ALK: variants seen among roughly 807,000 people sequenced by gnomAD.
ALK encodes ALK tyrosine kinase receptor.
ALK carries 74 observed loss-of-function variants against 163.1 expected under a neutral mutation model. The observed-to-expected ratio is 0.45, with a 90% CI of 0.38 to 0.55. The LOEUF is 0.55. Ranked by LOEUF, ALK falls within the 20% of genes least tolerant of loss-of-function variation. The pLI is 0.00. For synonymous variants in ALK, 960 were observed against 843.2 expected, an observed-to-expected ratio of 1.14 and a Z score of -2.40; for missense variants, 2,063 against 2,105.3, an observed-to-expected ratio of 0.98 and a Z score of 0.39.
At chr2:29,365,847 G>A (rs2148289647) in intron 5 of ALK, among the ~76,000 whole-genome samples, 1 of 152,250 alleles carries the variant, frequency 6.6e-6, no homozygotes, top group South Asian at 2.1e-4. Context: ...AGAGACAGCT[G>A]GACAACTAGA....
At chr2:29,916,338 G>T (rs889671974) in intron 1 of ALK, among the ~76,000 whole-genome samples, 2 of 152,328 alleles carry the variant, frequency 1.3e-5, no homozygotes, top group East Asian at 3.9e-4. Context: ...TCAGAGATTT[G>T]TAGATTGTTA....
chr2:29,588,067 C>T (rs954505307), intron 3 of ALK, among the ~76,000 whole-genome samples: 1 of 152,092 alleles, frequency 6.6e-6, no homozygotes, highest in Non-Finnish European at 1.5e-5. Context: ...CTTTGCTTTG[C>T]TATCACTAAG....
intron 4 of ALK, among the ~76,000 whole-genome samples, chr2:29,509,948 A>G (rs1039902950): frequency 6.6e-6 from 1 of 152,172 alleles, no homozygotes; most frequent in Non-Finnish European, 1.5e-5. Flanking sequence ...GCACTTTGTA[A>G]GAAGAAGAAT....
chr2:29,443,951 A>C (rs1670607232), intron 4 of ALK, among the ~76,000 whole-genome samples: 1 of 152,134 alleles, frequency 6.6e-6, no homozygotes, highest in African/African-American at 2.4e-5. Context: ...TTGTAATTTT[A>C]TTTCTTTTCC....
chr2:29,796,640 C>G (rs1664317461), intron 1 of ALK, among the ~76,000 whole-genome samples: 1 of 152,158 alleles, frequency 6.6e-6, no homozygotes, highest in South Asian at 2.1e-4. Context: ...TGCTTCAACC[C>G]AGCAGAGACT....
At chr2:29,832,444 C>T (rs566934015) in intron 1 of ALK, among the ~76,000 whole-genome samples, 1 of 152,290 alleles carries the variant, frequency 6.6e-6, no homozygotes, top group African/African-American at 2.4e-5. Context: ...AACCAAGAAG[C>T]CCAAAATTTG....
intron 2 of ALK, among the ~76,000 whole-genome samples, chr2:29,700,265 G>T (rs1678693018): frequency 6.6e-6 from 1 of 152,170 alleles, no homozygotes; most frequent in African/African-American, 2.4e-5. Flanking sequence ...AAAAAGCTTG[G>T]CTGGGTGCAG....
chr2:29,515,528 G>C (rs1347474268), intron 4 of ALK, among the ~76,000 whole-genome samples: 1 of 152,110 alleles, frequency 6.6e-6, no homozygotes, highest in Non-Finnish European at 1.5e-5. Context: ...TGAAGGGTAG[G>C]GGTGATCCAT....
chr2:29,454,617 A>C (rs1670903739), intron 4 of ALK, among the ~76,000 whole-genome samples: 1 of 152,150 alleles, frequency 6.6e-6, no homozygotes, highest in Non-Finnish European at 1.5e-5. Context: ...GAAAGAATGA[A>C]ATTGCATTGA....
intron 5 of ALK, among the ~76,000 whole-genome samples, chr2:29,338,080 G>C (rs558304897): frequency 7.2e-4 from 109 of 152,306 alleles, no homozygotes; most frequent in African/African-American, 2.5e-3. Context: ...GAGAGGACCA[G>C]CTATGGAGGG....
In ALK at chr2:29,664,946, A is replaced by G. The variant is rs138029613; in HGVS notation, c.952+29904T>C. On this transcript the variant is annotated intron_variant, in intron 3 of 28. Coordinates refer to ENST00000389048, the MANE Select transcript of ALK (RefSeq NM_004304.5). The stretch of plus-strand genomic sequence containing the variant: ...TGCCCTTTCATTTCCCATCCTATAT[A>G]AAAATCTAGCCTTCCATTGAGAACC... Among the ~76,000 whole-genome samples, 1,238 of 151,962 alleles carry G rather than the reference A, an allele frequency of 8.1e-3. 15 individuals are homozygous for G. The highest frequency in any genetic ancestry group is 0.045 in the South Asian group (214 of 4,804).
intron 4 of ALK, among the ~76,000 whole-genome samples, chr2:29,423,398 CA>C (rs1195931333): frequency 6.6e-6 from 1 of 152,250 alleles, no homozygotes; most frequent in African/African-American, 2.4e-5. Flanking sequence ...GTGGGCCCTT[CA>C]GTGACTAATC....
At chr2:29,535,659 G>A (rs1273772848) in intron 3 of ALK, among the ~76,000 whole-genome samples, 1 of 152,070 alleles carries the variant, frequency 6.6e-6, no homozygotes, top group Admixed American at 6.6e-5. Flanking sequence ...TTTGATCTAG[G>A]ACTAAACCTG....
intron 4 of ALK, among the ~76,000 whole-genome samples, chr2:29,387,846 G>C (rs1669069575): frequency 6.6e-6 from 1 of 152,174 alleles, no homozygotes; most frequent in Non-Finnish European, 1.5e-5. Context: ...GTTACCTGCA[G>C]ACTTAGGATT....
chr2:29,605,922 C>T (rs1378555686), intron 3 of ALK, among the ~76,000 whole-genome samples: 1 of 152,024 alleles, frequency 6.6e-6, no homozygotes, highest in Non-Finnish European at 1.5e-5. Context: ...GAAATTTGCT[C>T]CCTGTAAGTT....
intron 4 of ALK, among the ~76,000 whole-genome samples, chr2:29,501,287 C>A (rs1672167401): frequency 2.0e-5 from 3 of 152,186 alleles, no homozygotes; most frequent in Admixed American, 1.3e-4. Context: ...ATTTACTTGG[C>A]ATTCATCCTG....
chr2:29,869,494 A>G (rs1666522919), intron 1 of ALK, among the ~76,000 whole-genome samples: 1 of 152,224 alleles, frequency 6.6e-6, no homozygotes, highest in Non-Finnish European at 1.5e-5. Flanking sequence ...TAAAGGAAGC[A>G]TCACAAATCA....
At chr2:29,693,933 A>G (rs1678478450) in intron 3 of ALK, among the ~76,000 whole-genome samples, 1 of 152,164 alleles carries the variant, frequency 6.6e-6, no homozygotes, top group African/African-American at 2.4e-5. Context: ...TTGAAATCCA[A>G]TGAGACAGCG....
intron 1 of ALK, among the ~76,000 whole-genome samples, chr2:29,733,579 T>C (rs1384356494): frequency 6.6e-6 from 1 of 152,242 alleles, no homozygotes; most frequent in African/African-American, 2.4e-5. Context: ...GCCTTGAAGA[T>C]GCCATAAGAG....
Sources: allele counts gnomAD v4.1 joint callset (sites outside exome capture counted in the v4.1 genomes callset), GRCh38; gene constraint gnomAD v4.1.1; transcripts MANE v1.5; gene names NCBI Gene and HGNC (gene_info 2026-07-23, HGNC 2026-07-21).